Variants in LRRC27 observed in about 807,000 individuals in gnomAD.
LRRC27 encodes the protein leucine rich repeat containing 27.
A neutral mutation model predicts 55.0 loss-of-function variants in LRRC27; 57 were observed. The observed-to-expected ratio is 1.04, with a 90% CI of 0.84 to 1.29. LRRC27 has a LOEUF of 1.29. Ranked by LOEUF, LRRC27 falls within the 50% of genes most tolerant of loss-of-function variation. The pLI, the probability that LRRC27 is intolerant of heterozygous loss-of-function variation, is 0.00. For missense variants in LRRC27, 721 were observed against 651.5 expected, an observed-to-expected ratio of 1.11 and a Z score of -1.16; for synonymous variants, 278 against 251.9, an observed-to-expected ratio of 1.10 and a Z score of -0.98.
At chr10:132,358,198 A>G (rs1470666943) in intron 8 of LRRC27, among the ~76,000 whole-genome samples, 2 of 152,236 alleles carry the variant, frequency 1.3e-5, no homozygotes, top group Non-Finnish European at 2.9e-5. Flanking sequence ...CAGAAGAGGA[A>G]ATCCAAGCCA....
chr10:132,342,307 G>A (rs1590621078), intron 4 of LRRC27, 36 bp downstream of exon 4: 2 of 1,339,978 alleles, frequency 1.5e-6, no homozygotes, highest in East Asian at 2.5e-5. Context: ...ATTTTAAAAT[G>A]CTATCTTTTG....
rs947273439 is a variant in LRRC27 at position 132,348,087 on chromosome 10, C to A, written c.657C>A (p.Asp219Glu). The change falls in exon 6 of 11, where the codon GAC becomes GAA. Residue 219 changes from aspartate to glutamate, a missense_variant. Coordinates refer to ENST00000368614, the MANE Select transcript of LRRC27 (RefSeq NM_030626.3). This position sits in a 1 kb window ranked among gnomAD's most constrained non-coding sequence, Gnocchi z 4.2. ...ASNQGAVNAQDPEGAVMKEKA... is the reference protein window; with the variant it reads ...ASNQGAVNAQEPEGAVMKEKA... Reference sequence around the variant, plus strand: ...ACCAAGGAGCTGTGAACGCTCAGGACCCAGAGGGGGCTGTGATGAAAGAGA... The same window carrying A: ...ACCAAGGAGCTGTGAACGCTCAGGAACCAGAGGGGGCTGTGATGAAAGAGA... The A allele has an allele frequency of 2.5e-6, 4 of 1,613,978 alleles. No homozygotes were observed. In the African/African-American group the frequency reaches 5.3e-5, roughly 22 times the overall value.
chr10:132,353,355 C>T (rs1432547192), intron 7 of LRRC27: 1 of 1,081,700 alleles, frequency 9.2e-7, no homozygotes, highest in Admixed American at 4.6e-5. Context: ...CCCTGTGGCT[C>T]ACCTGCTCCC....
At chr10:132,373,516 A>C (rs964887930) in intron 10 of LRRC27, among the ~76,000 whole-genome samples, 16 of 152,200 alleles carry the variant, frequency 1.1e-4, no homozygotes, top group African/African-American at 3.9e-4. Context: ...GGTCGCGGTG[A>C]TGGCACTGCC....
At chr10:132,355,164 C>T (rs1305812162) in intron 7 of LRRC27, among the ~76,000 whole-genome samples, 1 of 152,182 alleles carries the variant, frequency 6.6e-6, no homozygotes, top group East Asian at 1.9e-4. Flanking sequence ...CAACCTCTGC[C>T]TCCTGGGTTC....
At position 132,381,301 on chromosome 10, in the gene LRRC27, G is replaced by T. The variant is rs2069407596; in HGVS notation, c.*6059G>T. Among the ~76,000 whole-genome samples, 1 of 152,206 alleles carries T rather than the reference G, an allele frequency of 6.6e-6. No homozygotes were observed. Among genetic ancestry groups the T allele is most frequent in the Non-Finnish European group, 1.5e-5 (1 of 68,038 alleles). On this transcript the variant is annotated 3_prime_UTR_variant, in exon 11 of 11. Coordinates refer to ENST00000368614, the MANE Select transcript of LRRC27 (RefSeq NM_030626.3). ...AAGTTCTTTAGCTTTTGGACTCTTG[G>T]ACCTACACTGGTGTTTTGCCAGGGG...
Position 132,355,843 on chromosome 10 carries a change from G to A in LRRC27, c.1127G>A (p.Arg376Lys). 1 of 1,559,008 alleles carries A rather than the reference G, an allele frequency of 6.4e-7. No homozygotes were observed. Among genetic ancestry groups the A allele is most frequent in the South Asian group, 1.2e-5 (1 of 84,530 alleles). ...GAGCGAGCCCAGAGGATGAGGAAGA[G>A]GAAGGAAGAGCTCAGCAAACTCCTG... ...WRERAQRMRK[R>K]KEELSKLLPP... Residue 376 changes from arginine (R) to lysine (K), a missense_variant, in exon 8 of 11, where the codon AGG (arginine) becomes AAG (lysine). Transcript: ENST00000368614.
At chr10:132,360,000 T>A (rs1233364951) in intron 8 of LRRC27, among the ~76,000 whole-genome samples, 4 of 152,170 alleles carry the variant, frequency 2.6e-5, no homozygotes, top group Non-Finnish European at 5.9e-5. Flanking sequence ...TATTTTAGAG[T>A]GGGAGTAAAA....
chr10:132,371,086 C>A (rs988462023), intron 10 of LRRC27, among the ~76,000 whole-genome samples: 1 of 152,278 alleles, frequency 6.6e-6, no homozygotes, highest in Non-Finnish European at 1.5e-5. Context: ...CATCTAAGTT[C>A]ACACTGCACC....
chr10:132,378,658 T>A lies in LRRC27; in HGVS notation c.*3416T>A, dbSNP rs61864552. On this transcript the variant is annotated 3_prime_UTR_variant, in exon 11 of 11. Coordinates refer to ENST00000368614, the MANE Select transcript of LRRC27 (RefSeq NM_030626.3). Reference sequence around the variant, plus strand: ...TTAGATTTACGAATCCTGTCTTCTGTTGTGTCCCACAGAAAAACCCATGAG... The same window carrying A: ...TTAGATTTACGAATCCTGTCTTCTGATGTGTCCCACAGAAAAACCCATGAG... The A allele has an allele frequency of 0.1, 15,706 of 152,282 alleles. 951 individuals carry two copies. Among genetic ancestry groups the A allele is most frequent in the African/African-American group, 0.17 (7,029 of 41,490 alleles). 9.4% of individuals were successfully genotyped at this position (152,282 alleles called of 1,614,324 possible).
chr10:132,332,083 G>T, upstream of LRRC27: 1 of 254,532 alleles, frequency 3.9e-6, no homozygotes, highest in Non-Finnish European at 7.5e-6. Flanking sequence ...GCGCGCAGGC[G>T]CACCACACCC....
chr10:132,332,764 T>G (rs1290859222), intron 1 of LRRC27, among the ~76,000 whole-genome samples: 13 of 152,060 alleles, frequency 8.5e-5, no homozygotes, highest in Non-Finnish European at 1.9e-4. Flanking sequence ...AACAGTTCCC[T>G]AACTGATCTG....
Position 132,348,958 on chromosome 10 carries a change from C to G in LRRC27, c.926+602C>G. 2 of 1,597,056 alleles carry G rather than the reference C, an allele frequency of 1.3e-6. No individual in the cohort carries two copies. The highest frequency in any genetic ancestry group is 1.7e-6 in the Non-Finnish European group (2 of 1,170,500). ...GCCGAGATTTTATTTTCCTTTCACA[C>G]CCAGGACAAGGGTCCCTAGGAAACA... On this transcript the variant is annotated intron_variant, in intron 6 of 10. Transcript: ENST00000368614. The surrounding 1 kb of genome is among the most constrained non-coding windows in gnomAD (Gnocchi z 4.2).
intron 4 of LRRC27, among the ~76,000 whole-genome samples, chr10:132,342,843 A>G (rs2067483486): frequency 6.6e-6 from 1 of 152,220 alleles, no homozygotes; most frequent in Non-Finnish European, 1.5e-5. Flanking sequence ...CTTGAGAAGC[A>G]TTTTGGAGAA....
At chr10:132,347,045 T>G (rs2067738165) in intron 5 of LRRC27, among the ~76,000 whole-genome samples, 1 of 152,224 alleles carries the variant, frequency 6.6e-6, no homozygotes, top group Non-Finnish European at 1.5e-5. Flanking sequence ...TAGGTCCCAG[T>G]GGCTCCCAAA....
At chr10:132,375,004 C>A (rs752158009) in intron 10 of LRRC27, 62 bp from the exon 11 acceptor site, 5 of 1,504,240 alleles carry the variant, frequency 3.3e-6, no homozygotes, top group South Asian at 1.2e-5. Flanking sequence ...GAGCCAGAGA[C>A]GTGGTGACGC....
upstream of LRRC27, chr10:132,330,405 ACTC>A (rs1318141269): frequency 5.6e-6 from 4 of 716,220 alleles, no homozygotes; most frequent in East Asian, 2.7e-5. Context: ...CACCCATGTC[ACTC>A]CTCATTCTCT....
At chr10:132,331,876 G>T (rs556234468), upstream of LRRC27, 2 of 1,224,810 alleles carry the variant, frequency 1.6e-6, no homozygotes, top group South Asian at 2.9e-5. Context: ...TGCGTGCGCA[G>T]GCGCACCACC....
upstream of LRRC27, chr10:132,331,965 C>T (rs1397513955): frequency 1.0e-5 from 5 of 502,474 alleles, no homozygotes; most frequent in African/African-American, 2.1e-5. Context: ...GCGCACCACA[C>T]CCCGCCCCCT....
Sources: gnomAD v4.1 joint callset for allele counts (sites outside exome capture counted in the v4.1 genomes callset) on GRCh38, gnomAD v4.1.1 for gene constraint, Gnocchi (gnomAD v3.1) non-coding constraint, MANE v1.5 for transcripts, NCBI Gene and HGNC (gene_info 2026-07-23, HGNC 2026-07-21) for gene names.